DAB1: variants seen among roughly 807,000 people sequenced by gnomAD.
DAB1 encodes the protein disabled homolog 1.
A neutral mutation model predicts 64.6 loss-of-function variants in DAB1; 15 were observed. That is an observed-to-expected ratio of 0.23 (90% CI 0.16 to 0.36). The LOEUF (loss-of-function observed/expected upper bound fraction) is 0.36, where lower values mean the gene tolerates loss of function less well. DAB1 is among the 10% of genes least tolerant of loss of function. DAB1 has a pLI of 1.00. For synonymous variants in DAB1, 235 were observed against 251.9 expected, an observed-to-expected ratio of 0.93 and a Z score of 0.64; for missense variants, 596 against 706.7, an observed-to-expected ratio of 0.84 and a Z score of 1.78.
chr1:57,168,617 G>A (rs757670734), intron 2 of DAB1, among the ~76,000 whole-genome samples: 38 of 152,008 alleles, frequency 2.5e-4, no homozygotes, highest in Admixed American at 7.9e-4. Context: ...TGGTTGTCTC[G>A]CCTCCCAGTT....
intron 7 of DAB1, among the ~76,000 whole-genome samples, chr1:57,625,747 A>G (rs1226894623): frequency 6.6e-6 from 1 of 152,068 alleles, no homozygotes; most frequent in Non-Finnish European, 1.5e-5. Flanking sequence ...GGAGGAGGGG[A>G]AAAAGGAAGA....
intron 2 of DAB1, among the ~76,000 whole-genome samples, chr1:57,218,208 G>T (rs1303032802): frequency 6.6e-6 from 1 of 152,128 alleles, no homozygotes; most frequent in Non-Finnish European, 1.5e-5. Flanking sequence ...CAAAGGCACC[G>T]AGGAAAGGGA....
intron 2 of DAB1, among the ~76,000 whole-genome samples, chr1:58,521,064 C>T (rs1646254490): frequency 6.6e-6 from 1 of 152,166 alleles, no homozygotes. Flanking sequence ...AGACCCAACC[C>T]TTTTCAAAGG....
chr1:57,533,695 T>C (rs187972468), intron 7 of DAB1, among the ~76,000 whole-genome samples: 321 of 151,164 alleles, frequency 2.1e-3, no homozygotes, highest in African/African-American at 7.1e-3. Flanking sequence ...AATGCATGTA[T>C]GACTTTTTTT....
chr1:58,211,429 T>G (rs1295822571), intron 4 of DAB1, among the ~76,000 whole-genome samples: 1 of 152,216 alleles, frequency 6.6e-6, no homozygotes, highest in Admixed American at 6.5e-5. Flanking sequence ...CTTTTTCTGA[T>G]GATCACACTG....
chr1:57,358,886 G>C (rs1373365732), intron 1 of DAB1, among the ~76,000 whole-genome samples: 1 of 151,830 alleles, frequency 6.6e-6, no homozygotes, highest in African/African-American at 2.4e-5. Flanking sequence ...TTCAATAAAT[G>C]GTGTTGGGAA....
intron 5 of DAB1, among the ~76,000 whole-genome samples, chr1:57,955,425 A>C (rs549940960): frequency 1.6e-4 from 24 of 152,278 alleles, no homozygotes; most frequent in African/African-American, 5.3e-4. Context: ...AGTCAAGCCC[A>C]CATGCAAGAG....
chr1:57,341,869 G>T (rs1370003501), intron 1 of DAB1, among the ~76,000 whole-genome samples: 1 of 152,152 alleles, frequency 6.6e-6, no homozygotes, highest in Non-Finnish European at 1.5e-5. Flanking sequence ...TAGACAGCAC[G>T]CTGTACAGTG....
At chr1:57,741,241 C>T (rs924166901) in intron 6 of DAB1, among the ~76,000 whole-genome samples, 1 of 152,182 alleles carries the variant, frequency 6.6e-6, no homozygotes, top group Non-Finnish European at 1.5e-5. Flanking sequence ...TTCCTCTCTA[C>T]TATTCCATCA....
chr1:57,493,019 T>A (rs1286945706), intron 7 of DAB1, among the ~76,000 whole-genome samples: 1 of 152,068 alleles, frequency 6.6e-6, no homozygotes, highest in East Asian at 1.9e-4. Flanking sequence ...GCCCCTATGC[T>A]ACCCCGTGAT....
rs113673321 is a variant in DAB1 at position 57,072,059 on chromosome 1, T to C, written c.438+224A>G. The stretch of plus-strand genomic sequence containing the variant: ...ATAATTAGTCATTAGGAAATACCCA[T>C]TAGTTAAAAAAAAAAAAAAAAACAG... On this transcript the variant is annotated intron_variant, in intron 5 of 14. Transcript: ENST00000371236. 0.028 allele frequency among the ~76,000 whole-genome samples: 3,469 copies of C among 125,546 alleles called. 145 individuals are homozygous for C. The highest frequency in any genetic ancestry group is 0.098 in the African/African-American group (3,277 of 33,336). The allele number at this position is 125,546 out of a possible 152,430, so 82.4% of individuals were successfully genotyped here. A position where few individuals can be genotyped will look rare whatever the true frequency, so the allele number is the denominator to read the frequency against.
At chr1:58,178,501 G>A (rs750384023) in intron 4 of DAB1, among the ~76,000 whole-genome samples, 6 of 152,210 alleles carry the variant, frequency 3.9e-5, no homozygotes, top group Non-Finnish European at 8.8e-5. Flanking sequence ...CTTTTAAATA[G>A]AAAAATTGTT....
chr1:57,419,128 G>A (rs1274296701), intron 1 of DAB1, among the ~76,000 whole-genome samples: 1 of 152,070 alleles, frequency 6.6e-6, no homozygotes, highest in Admixed American at 6.6e-5. Flanking sequence ...ATGTCTAGCT[G>A]GCTCATGCTC....
chr1:58,362,442 C>G (rs1337577750), intron 3 of DAB1, among the ~76,000 whole-genome samples: 4 of 152,174 alleles, frequency 2.6e-5, no homozygotes, highest in Admixed American at 6.5e-5. Context: ...AAAAGAAGCT[C>G]AAGTGAGAGG....
intron 6 of DAB1, among the ~76,000 whole-genome samples, chr1:57,688,501 G>C (rs1185057658): frequency 1.3e-5 from 2 of 152,186 alleles, no homozygotes; most frequent in African/African-American, 2.4e-5. Flanking sequence ...GTGAAAAGCT[G>C]TTTGAAGATT....
At chr1:57,889,049 G>C (rs1289591695), upstream of DAB1, among the ~76,000 whole-genome samples, 1 of 152,144 alleles carries the variant, frequency 6.6e-6, no homozygotes, top group African/African-American at 2.4e-5. Flanking sequence ...ATGGAATCCT[G>C]CCTCTAGCAC....
chr1:58,114,354 A>C (rs557518965), intron 5 of DAB1, among the ~76,000 whole-genome samples: 1 of 152,338 alleles, frequency 6.6e-6, no homozygotes, highest in African/African-American at 2.4e-5. Flanking sequence ...CTTCCTATCC[A>C]TTCTCATCCA....
At position 57,552,073 on chromosome 1, in the gene DAB1, C is replaced by T. The variant is rs1257114949; in HGVS notation, n.625+97519G>A. The stretch of plus-strand genomic sequence containing the variant: ...CATCCCCCGTTTTCCTCCTGTACAT[C>T]GCAGTAAGCAGGGCAGTGCTACTGT... On this transcript the variant is annotated intron_variant and non_coding_transcript_variant, in intron 7 of 20. Transcript: ENST00000485760. 2.6e-5 allele frequency among the ~76,000 whole-genome samples: 4 copies of T among 152,268 alleles called. No homozygotes were observed. The East Asian group carries it at 5.8e-4, about 22-fold the overall frequency.
At chr1:57,468,136 C>A (rs1424184521) in intron 7 of DAB1, among the ~76,000 whole-genome samples, 2 of 152,174 alleles carry the variant, frequency 1.3e-5, no homozygotes, top group African/African-American at 4.8e-5. Flanking sequence ...TCTCAGAGAC[C>A]AAACTACATT....
Sources: allele counts gnomAD v4.1 joint callset (sites outside exome capture counted in the v4.1 genomes callset), GRCh38; gene constraint gnomAD v4.1.1; transcripts MANE v1.5; gene names NCBI Gene and HGNC (gene_info 2026-07-23, HGNC 2026-07-21).